The following PPP3R1 variants were observed in gnomAD, a reference collection of about 807,000 sequenced individuals.
PPP3R1 encodes the protein protein phosphatase 3 regulatory subunit B, alpha.
Under a neutral mutation model 22.6 loss-of-function variants are expected in PPP3R1, and 5 were observed. That is an observed-to-expected ratio of 0.22 (90% CI 0.12 to 0.46). PPP3R1 has a LOEUF of 0.46. Ranked by LOEUF, PPP3R1 falls within the 20% of genes least tolerant of loss-of-function variation. The pLI is 0.99. For synonymous variants in PPP3R1, 56 were observed against 65.2 expected (o/e 0.86, Z 0.68); for missense variants, 61 against 203.2 (o/e 0.30, Z 4.25).
At chr2:68,196,869 C>T (rs1422784288) in intron 2 of PPP3R1, among the ~76,000 whole-genome samples, 9 of 152,154 alleles carry the variant, frequency 5.9e-5, no homozygotes, top group Middle Eastern at 3.4e-3. Flanking sequence ...AGATTACAGG[C>T]GTGCGCCACC....
chr2:68,217,892 C>T (rs1489017979), intron 1 of PPP3R1, among the ~76,000 whole-genome samples: 1 of 152,056 alleles, frequency 6.6e-6, no homozygotes, highest in Non-Finnish European at 1.5e-5. Context: ...CTACATTTAA[C>T]AACTCTTGAG....
chr2:68,251,942 G>C (rs1458926833), intron 1 of PPP3R1, among the ~76,000 whole-genome samples, 183 bp downstream of exon 1: 2 of 147,646 alleles, frequency 1.4e-5, no homozygotes, highest in East Asian at 4.0e-4. Context: ...CCGCCGTCCT[G>C]TCAGCAGCCG....
chr2:68,232,732 G>C (rs938147984), intron 1 of PPP3R1, among the ~76,000 whole-genome samples: 4 of 151,896 alleles, frequency 2.6e-5, no homozygotes, highest in Non-Finnish European at 5.9e-5. Flanking sequence ...TCAGCCTCTC[G>C]AGTAGCTGGG....
chr2:68,235,514 T>C (rs1445244983), intron 1 of PPP3R1, among the ~76,000 whole-genome samples: 1 of 152,224 alleles, frequency 6.6e-6, no homozygotes, highest in Admixed American at 6.5e-5. Context: ...TCAAGGTTAA[T>C]CTAATGTGTT....
chr2:68,198,342 CATGTAT>C (rs1405471730), intron 2 of PPP3R1, among the ~76,000 whole-genome samples: 22,656 of 104,680 alleles, frequency 0.22, 4,112 homozygotes, highest in African/African-American at 0.3. Flanking sequence ...CATATATGTA[CATGTAT>C]ATGCATATAT....
chr2:68,246,055 TTTTCTTTC>T (rs1259198655), intron 1 of PPP3R1, among the ~76,000 whole-genome samples: 11 of 147,354 alleles, frequency 7.5e-5, no homozygotes, highest in Admixed American at 1.4e-4. Context: ...TTTACTGACT[TTTTCTTTC>T]TTTCTTTTTT....
chr2:68,252,514 AC>A lies in PPP3R1; in HGVS notation c.-388del. 2 of 923,272 alleles carry A rather than the reference AC, an allele frequency of 2.2e-6. No individual in the cohort carries two copies. The highest frequency in any genetic ancestry group is 2.5e-6 in the Non-Finnish European group (2 of 808,634). 57.2% of individuals were successfully genotyped at this position (923,272 alleles called of 1,614,324 possible). A position where few individuals can be genotyped will look rare whatever the true frequency, so the allele number is the denominator to read the frequency against. ...GGACTCACTGCAGCGGCTCGCGCTG[AC>A]CCGCAACCTCAAGGCACGAAAAAAG... On this transcript the variant is annotated 5_prime_UTR_variant, in exon 1 of 6. Transcript: ENST00000234310.
Position 68,180,908 on chromosome 2 carries a change from A to G in PPP3R1, c.*55T>C. The G allele has an allele frequency of 1.3e-6, 2 of 1,514,950 alleles. No individual in the cohort carries two copies. The highest frequency in any genetic ancestry group is 1.8e-6 in the Non-Finnish European group (2 of 1,091,726). 93.8% of individuals were successfully genotyped at this position (1,514,950 alleles called of 1,614,324 possible). On this transcript the variant is annotated 3_prime_UTR_variant, in exon 6 of 6. Transcript: ENST00000234310. The stretch of plus-strand genomic sequence containing the variant: ...GAGCATTGCTGGACGTCTTGAGCAG[A>G]TCTTCAGAGATGGAGAAGAAAGCAA...
Position 68,215,946 on chromosome 2 carries a change from C to G in PPP3R1, c.43+1146G>C, listed in dbSNP as rs139845587. ...AGTAAATACTAAATTATAAATAAAACACACTATAAGAATGTTGTTTTATAT... is the reference window on the plus strand; with the variant it reads ...AGTAAATACTAAATTATAAATAAAAGACACTATAAGAATGTTGTTTTATAT... On this transcript the variant is annotated intron_variant, in intron 2 of 5. Coordinates refer to ENST00000234310, the MANE Select transcript of PPP3R1 (RefSeq NM_000945.4). Among the ~76,000 whole-genome samples the G allele has an allele frequency of 1.4e-3, 210 of 152,182 alleles. 3 individuals are homozygous for G. Among genetic ancestry groups the G allele is most frequent in the African/African-American group, 4.5e-3 (186 of 41,544 alleles).
At chr2:68,189,767 G>C (rs1359785240) in intron 2 of PPP3R1, among the ~76,000 whole-genome samples, 1 of 152,134 alleles carries the variant, frequency 6.6e-6, no homozygotes, top group East Asian at 1.9e-4. Context: ...TACTCAGGAG[G>C]CTGAAGCAGG....
chr2:68,232,217 G>GTA (rs1491063798), intron 1 of PPP3R1, among the ~76,000 whole-genome samples: 12 of 27,594 alleles, frequency 4.3e-4, no homozygotes, highest in East Asian at 1.6e-3. Flanking sequence ...TATTGTATAT[G>GTA]TATATATGTG....
intron 1 of PPP3R1, among the ~76,000 whole-genome samples, chr2:68,231,725 C>T (rs1395864015): frequency 1.3e-5 from 2 of 152,038 alleles, no homozygotes; most frequent in Non-Finnish European, 2.9e-5. Context: ...ATTGCAAGTA[C>T]ACAGTAATAA....
intron 5 of PPP3R1, among the ~76,000 whole-genome samples, chr2:68,184,250 T>C (rs890564700): frequency 6.6e-6 from 1 of 152,212 alleles, no homozygotes; most frequent in African/African-American, 2.4e-5. Context: ...TCACTTCCAG[T>C]TGCTTGTGCC....
At chr2:68,202,720 C>T (rs997108370) in intron 2 of PPP3R1, among the ~76,000 whole-genome samples, 6 of 151,374 alleles carry the variant, frequency 4.0e-5, no homozygotes, top group African/African-American at 7.3e-5. Context: ...CCACTGTGCC[C>T]GGCCAGTCCT....
At chr2:68,230,997 C>G (rs1426468569) in intron 1 of PPP3R1, among the ~76,000 whole-genome samples, 1 of 152,194 alleles carries the variant, frequency 6.6e-6, no homozygotes, top group Non-Finnish European at 1.5e-5. Flanking sequence ...ATTCACTTGG[C>G]TTTTTAAAAC....
intron 1 of PPP3R1, among the ~76,000 whole-genome samples, chr2:68,223,806 C>CA (rs79743936): frequency 0.048 from 2,816 of 58,388 alleles, 32 homozygotes; most frequent in Middle Eastern, 0.1. Flanking sequence ...AAAGGGAAGA[C>CA]AAAAAAAAAA....
chr2:68,227,185 T>C (rs1205602292), intron 1 of PPP3R1, among the ~76,000 whole-genome samples: 4 of 152,088 alleles, frequency 2.6e-5, no homozygotes, highest in South Asian at 2.1e-4. Flanking sequence ...ACCAAGTTTT[T>C]TCATTTCTTT....
At chr2:68,193,614 G>T (rs913313118) in intron 2 of PPP3R1, among the ~76,000 whole-genome samples, 4 of 152,102 alleles carry the variant, frequency 2.6e-5, no homozygotes, top group South Asian at 2.1e-4. Flanking sequence ...CAAACAAAAT[G>T]ATTTCTTTGG....
chr2:68,186,254 T>G (rs1381720953), intron 5 of PPP3R1, among the ~76,000 whole-genome samples: 1 of 152,180 alleles, frequency 6.6e-6, no homozygotes, highest in African/African-American at 2.4e-5. Context: ...CTAGTTGTAA[T>G]TTGAGAGGCT....
Sources: allele counts gnomAD v4.1 joint callset (sites outside exome capture counted in the v4.1 genomes callset), GRCh38; gene constraint gnomAD v4.1.1; transcripts MANE v1.5; gene names NCBI Gene and HGNC (gene_info 2026-07-23, HGNC 2026-07-21).